DTNA: variants seen among roughly 807,000 people sequenced by gnomAD.
The protein encoded by DTNA is dystrophin-related protein 3.
Under a neutral mutation model 100.7 loss-of-function variants are expected in DTNA, and 43 were observed. That is an observed-to-expected ratio of 0.43 (90% confidence interval 0.33 to 0.55). The LOEUF is 0.55. DTNA is among the 20% of genes least tolerant of loss of function. DTNA has a pLI of 0.04. For missense variants in DTNA, 798 were observed against 953.9 expected, an observed-to-expected ratio of 0.84 and a Z score of 2.15; for synonymous variants, 349 against 347.9, an observed-to-expected ratio of 1.00 and a Z score of -0.04.
chr18:34,622,652 G>T (rs955338639), intron 1 of DTNA, among the ~76,000 whole-genome samples: 1 of 152,176 alleles, frequency 6.6e-6, no homozygotes, highest in Non-Finnish European at 1.5e-5. Context: ...AGGTGAATAT[G>T]TTATGTATCT....
At chr18:34,659,160 T>C (rs531809736) in intron 1 of DTNA, among the ~76,000 whole-genome samples, 88 of 152,276 alleles carry the variant, frequency 5.8e-4, no homozygotes, top group Non-Finnish European at 1.0e-3. Flanking sequence ...TTTAAAATAG[T>C]ACTATCCAAT....
chr18:34,494,312 C>T (rs2038926214), intron 1 of DTNA, among the ~76,000 whole-genome samples: 1 of 139,538 alleles, frequency 7.2e-6, no homozygotes, highest in African/African-American at 2.6e-5. Flanking sequence ...TTGCAGTGCA[C>T]TGCGGTGCCC....
chr18:34,884,946 T>C (rs778324734), intron 22 of DTNA, among the ~76,000 whole-genome samples, 170 bp downstream of exon 22: 2 of 152,232 alleles, frequency 1.3e-5, no homozygotes, highest in Non-Finnish European at 2.9e-5. Context: ...GGTTTCATTA[T>C]AAACCAGTGG....
At chr18:34,614,340 G>A (rs977665603) in intron 1 of DTNA, among the ~76,000 whole-genome samples, 1 of 152,130 alleles carries the variant, frequency 6.6e-6, no homozygotes, top group Admixed American at 6.5e-5. Context: ...CCAAGACAAC[G>A]TCCATTCTGT....
At chr18:34,703,075 A>G (rs12968725) in intron 1 of DTNA, among the ~76,000 whole-genome samples, 12,542 of 152,236 alleles carry the variant, frequency 0.082, 664 homozygotes, top group African/African-American at 0.13. Context: ...TTCTTTACAT[A>G]TGGTTGCTAC....
intron 1 of DTNA, among the ~76,000 whole-genome samples, chr18:34,616,883 G>A (rs2055400824): frequency 6.6e-6 from 1 of 152,016 alleles, no homozygotes; most frequent in Non-Finnish European, 1.5e-5. Flanking sequence ...TCTTTTGGGG[G>A]CTATTGTGAA....
chr18:34,674,991 A>G (rs1442377629), intron 1 of DTNA, among the ~76,000 whole-genome samples: 1 of 152,108 alleles, frequency 6.6e-6, no homozygotes, highest in Non-Finnish European at 1.5e-5. Context: ...GAGTTGGAGG[A>G]AGCTTCAAAA....
intron 1 of DTNA, among the ~76,000 whole-genome samples, chr18:34,747,037 A>C (rs953269829): frequency 6.6e-6 from 1 of 151,956 alleles, no homozygotes; most frequent in Non-Finnish European, 1.5e-5. Context: ...GTCATTTTTT[A>C]AATGGCATTT....
chr18:34,814,002 C>T (rs2095543186), intron 6 of DTNA, among the ~76,000 whole-genome samples: 1 of 152,114 alleles, frequency 6.6e-6, no homozygotes, highest in Middle Eastern at 3.2e-3. Context: ...TGATTTATGG[C>T]TTGCAACAAC....
intron 1 of DTNA, among the ~76,000 whole-genome samples, chr18:34,532,552 A>C (rs1366076088): frequency 1.3e-5 from 2 of 151,838 alleles, no homozygotes; most frequent in Non-Finnish European, 2.9e-5. Context: ...TTTTTTTAGC[A>C]CTTAACACCC....
In DTNA at chr18:34,640,811, G is replaced by C. The variant is rs773533614; in HGVS notation, c.-1-115165G>C. ...GAACTGGCTAGTTCCCTATTTTCAT[G>C]TTAAAGTTTAAAAGTTTATTCTAAA... On this transcript the variant is annotated intron_variant, in intron 1 of 19. Coordinates refer to the DTNA transcript ENST00000283365. 4.5e-4 allele frequency among the ~76,000 whole-genome samples: 69 copies of C among 152,250 alleles called. 1 individual carries two copies. The highest frequency in any genetic ancestry group is 6.2e-4 in the Non-Finnish European group (42 of 68,016).
At chr18:34,737,167 A>T (rs1343948561) in intron 1 of DTNA, among the ~76,000 whole-genome samples, 1 of 152,240 alleles carries the variant, frequency 6.6e-6, no homozygotes, top group African/African-American at 2.4e-5. Flanking sequence ...GGTATATTTT[A>T]TACATAAAAG....
intron 1 of DTNA, among the ~76,000 whole-genome samples, chr18:34,687,538 G>A (rs1417655617): frequency 6.6e-6 from 1 of 152,186 alleles, no homozygotes; most frequent in Non-Finnish European, 1.5e-5. Flanking sequence ...TTTTGCATTT[G>A]TTGAGGAGTG....
intron 11 of DTNA, among the ~76,000 whole-genome samples, chr18:34,830,038 A>G (rs1204984234): frequency 6.6e-6 from 1 of 152,156 alleles, no homozygotes; most frequent in Non-Finnish European, 1.5e-5. Flanking sequence ...ATTCTCTATC[A>G]CTTGATAATG....
chr18:34,777,074 G>A (rs578133841), intron 3 of DTNA, among the ~76,000 whole-genome samples: 15 of 152,182 alleles, frequency 9.9e-5, no homozygotes, highest in South Asian at 2.1e-4. Context: ...TCCCCTATCC[G>A]CCTTGTCCTA....
At chr18:34,804,501 A>G (rs947123803) in intron 4 of DTNA, among the ~76,000 whole-genome samples, 2 of 152,220 alleles carry the variant, frequency 1.3e-5, no homozygotes, top group African/African-American at 2.4e-5. Context: ...CATACAGGTA[A>G]CAAGTCTAGC....
At chr18:34,643,460 G>T (rs535274659) in intron 1 of DTNA, among the ~76,000 whole-genome samples, 60 of 152,318 alleles carry the variant, frequency 3.9e-4, no homozygotes, top group African/African-American at 1.3e-3. Flanking sequence ...TATGACAAAA[G>T]AATCATAAGC....
At chr18:34,821,469 A>G (rs1199342071) in intron 9 of DTNA, 4 of 456,234 alleles carry the variant, frequency 8.8e-6, no homozygotes, top group Middle Eastern at 6.5e-4. Context: ...TCTTTTCTTC[A>G]AAGTATGTGT....
intron 1 of DTNA, among the ~76,000 whole-genome samples, chr18:34,566,492 C>T (rs932969062): frequency 3.3e-5 from 5 of 152,122 alleles, no homozygotes; most frequent in Non-Finnish European, 7.4e-5. Context: ...TTCATAACAC[C>T]CAATGCACAT....
Sources: allele counts gnomAD v4.1 joint callset (sites outside exome capture counted in the v4.1 genomes callset), GRCh38; gene constraint gnomAD v4.1.1; transcripts MANE v1.5; gene names NCBI Gene and HGNC (gene_info 2026-07-23, HGNC 2026-07-21).